The following MBOAT2 variants were observed in gnomAD, a reference collection of about 807,000 sequenced individuals.
The protein encoded by MBOAT2 is membrane-bound glycerophospholipid O-acyltransferase 2.
In MBOAT2, 28 loss-of-function variants were observed where a neutral mutation model predicts 63.4. The ratio of observed to expected loss-of-function variants is 0.44; its 90% CI spans 0.33 to 0.61. The LOEUF (loss-of-function observed/expected upper bound fraction) is 0.61, where lower values mean the gene tolerates loss of function less well. Among genes scored for constraint, MBOAT2 ranks in the 20% least tolerant of loss-of-function variants. The pLI, the probability that MBOAT2 is intolerant of heterozygous loss-of-function variation, is 0.03. For synonymous variants in MBOAT2, 211 were observed against 215.6 expected (o/e 0.98, Z 0.19); for missense variants, 470 against 605.8 (o/e 0.78, Z 2.35).
At chr2:8,869,678 A>G (rs1383214303) in intron 8 of MBOAT2, among the ~76,000 whole-genome samples, 1 of 152,244 alleles carries the variant, frequency 6.6e-6, no homozygotes, top group Non-Finnish European at 1.5e-5. Flanking sequence ...TAATGAGGTC[A>G]GCCGCCTTTG....
At chr2:8,880,767 T>C (rs780025959) in intron 6 of MBOAT2, among the ~76,000 whole-genome samples, 9 of 152,174 alleles carry the variant, frequency 5.9e-5, no homozygotes, top group Non-Finnish European at 1.3e-4. Flanking sequence ...GTGAAGAAGG[T>C]ATTTCAGAAG....
At chr2:8,918,987 T>A (rs560328555) in intron 3 of MBOAT2, among the ~76,000 whole-genome samples, 1 of 152,316 alleles carries the variant, frequency 6.6e-6, no homozygotes, top group South Asian at 2.1e-4. Context: ...GGGAGTCTCA[T>A]GTAAATAAAA....
chr2:8,985,776 T>C (rs1469078769), intron 1 of MBOAT2, among the ~76,000 whole-genome samples: 2 of 152,142 alleles, frequency 1.3e-5, no homozygotes, highest in Non-Finnish European at 2.9e-5. Flanking sequence ...TAGACTACTG[T>C]GACCACAAGC....
chr2:8,905,533 T>C (rs1396303112), intron 4 of MBOAT2, among the ~76,000 whole-genome samples: 1 of 152,142 alleles, frequency 6.6e-6, no homozygotes, highest in African/African-American at 2.4e-5. Flanking sequence ...GAAACCATCA[T>C]TCTCAGCAAA....
At chr2:9,001,637 G>A (rs1029078090) in intron 1 of MBOAT2, among the ~76,000 whole-genome samples, 4 of 152,168 alleles carry the variant, frequency 2.6e-5, no homozygotes, top group Non-Finnish European at 5.9e-5. Flanking sequence ...TAATAAAGAA[G>A]GATGTCAAAA....
intron 7 of MBOAT2, among the ~76,000 whole-genome samples, chr2:8,874,689 A>C (rs974681884): frequency 1.3e-5 from 2 of 152,160 alleles, no homozygotes; most frequent in African/African-American, 2.4e-5. Flanking sequence ...AAAACTGGAG[A>C]ATCCTTCACC....
At chr2:8,928,040 A>G (rs1248329801) in intron 3 of MBOAT2, among the ~76,000 whole-genome samples, 1 of 152,136 alleles carries the variant, frequency 6.6e-6, no homozygotes, top group Admixed American at 6.5e-5. Flanking sequence ...GGAGTAAGAA[A>G]GCGGTGGGAG....
intron 6 of MBOAT2, 28 bp downstream of exon 6, chr2:8,882,483 T>C (rs199507723): frequency 2.5e-6 from 4 of 1,613,004 alleles, no homozygotes; most frequent in Non-Finnish European, 1.7e-6. Flanking sequence ...GCAGGAAGCA[T>C]GGCAGAATAG....
chr2:8,890,496 G>A (rs936384648), intron 4 of MBOAT2, among the ~76,000 whole-genome samples: 1 of 152,186 alleles, frequency 6.6e-6, no homozygotes, highest in Admixed American at 6.5e-5. Flanking sequence ...GTAGCACAGT[G>A]TCTGGCACAA....
chr2:8,884,800 T>G (rs1663427582), intron 5 of MBOAT2, among the ~76,000 whole-genome samples: 1 of 152,318 alleles, frequency 6.6e-6, no homozygotes, highest in East Asian at 1.9e-4. Context: ...AGAACAAACT[T>G]GTGTCAAAAG....
intron 3 of MBOAT2, among the ~76,000 whole-genome samples, chr2:8,917,478 G>GA (rs1666269294): frequency 6.6e-6 from 1 of 152,052 alleles, no homozygotes; most frequent in Admixed American, 6.5e-5. Context: ...AACAGTACAG[G>GA]AAAAAAATGT....
At chr2:8,923,002 A>C (rs1486762080) in intron 3 of MBOAT2, among the ~76,000 whole-genome samples, 1 of 152,216 alleles carries the variant, frequency 6.6e-6, no homozygotes, top group Non-Finnish European at 1.5e-5. Context: ...GGGAGATCTG[A>C]CATAACTGAC....
chr2:8,880,590 G>A (rs1663041772), intron 6 of MBOAT2, among the ~76,000 whole-genome samples: 2 of 152,238 alleles, frequency 1.3e-5, no homozygotes, highest in African/African-American at 4.8e-5. Flanking sequence ...ACACGAAGAT[G>A]GCCTTTCAAG....
At chr2:8,905,780 T>C (rs892200162) in intron 4 of MBOAT2, among the ~76,000 whole-genome samples, 16 of 150,238 alleles carry the variant, frequency 1.1e-4, no homozygotes, top group African/African-American at 4.0e-4. Context: ...GTTGTGCACA[T>C]GTACCCTAGA....
intron 1 of MBOAT2, among the ~76,000 whole-genome samples, chr2:8,987,986 A>G (rs1671679978): frequency 6.6e-6 from 1 of 152,240 alleles, no homozygotes; most frequent in South Asian, 2.1e-4. Flanking sequence ...GTTCCCTACT[A>G]GAGTATATAA....
chr2:8,881,136 T>C (rs541439522), intron 6 of MBOAT2, among the ~76,000 whole-genome samples: 29 of 152,306 alleles, frequency 1.9e-4, no homozygotes, highest in Admixed American at 1.6e-3. Flanking sequence ...GTGAACTCCG[T>C]GCAGCAGTGA....
chr2:8,914,177 G>A (rs1291626115), intron 3 of MBOAT2, among the ~76,000 whole-genome samples: 1 of 152,022 alleles, frequency 6.6e-6, no homozygotes, highest in Non-Finnish European at 1.5e-5. Context: ...AGGAAGAGTG[G>A]GAGGGGTGTG....
chr2:8,907,289 T>C (rs1253870611), intron 4 of MBOAT2, among the ~76,000 whole-genome samples: 4 of 152,252 alleles, frequency 2.6e-5, no homozygotes, highest in Admixed American at 2.0e-4. Flanking sequence ...AACTTTCTTC[T>C]GTACTGAAGT....
At chr2:8,971,044 C>T (rs1003765760) in intron 1 of MBOAT2, among the ~76,000 whole-genome samples, 1 of 152,178 alleles carries the variant, frequency 6.6e-6, no homozygotes, top group Non-Finnish European at 1.5e-5. Context: ...GATACCAAAG[C>T]CTGGCAGAGA....
Sources: gnomAD v4.1 joint callset for allele counts (sites outside exome capture counted in the v4.1 genomes callset) on GRCh38, gnomAD v4.1.1 for gene constraint, MANE v1.5 for transcripts, NCBI Gene and HGNC (gene_info 2026-07-23, HGNC 2026-07-21) for gene names.